Variants in NDST3 observed in about 807,000 individuals in gnomAD.
NDST3 encodes bifunctional heparan sulfate N-deacetylase/N-sulfotransferase 3.
NDST3 carries 58 observed loss-of-function variants against 96.1 expected under a neutral mutation model. The observed-to-expected ratio is 0.60, with a 90% CI of 0.49 to 0.75. The LOEUF is 0.75. Among genes scored for constraint, NDST3 ranks in the 30% least tolerant of loss-of-function variants. NDST3 has a pLI of 0.00. For missense variants in NDST3, 788 were observed against 1,034.2 expected (o/e 0.76, Z 3.27); for synonymous variants, 333 against 359.7 (o/e 0.93, Z 0.84).
chr4:118,220,156 C>T (rs1240775093), intron 6 of NDST3, among the ~76,000 whole-genome samples: 1 of 151,992 alleles, frequency 6.6e-6, no homozygotes, highest in Admixed American at 6.6e-5. Flanking sequence ...CAAATGAACA[C>T]GTATGTTTAC....
At chr4:118,187,331 T>C (rs957855288) in intron 6 of NDST3, among the ~76,000 whole-genome samples, 1 of 152,214 alleles carries the variant, frequency 6.6e-6, no homozygotes, top group African/African-American at 2.4e-5. Context: ...GAGCCTATCA[T>C]GAGGGATAAA....
chr4:118,223,719 T>C (rs892188836), intron 6 of NDST3, among the ~76,000 whole-genome samples: 7 of 152,108 alleles, frequency 4.6e-5, no homozygotes, highest in African/African-American at 1.7e-4. Context: ...ATTAAATTCA[T>C]TATTATGATT....
chr4:118,226,867 A>G lies in NDST3; in HGVS notation c.1723-19A>G, dbSNP rs779035948. On this transcript the variant is annotated intron_variant, in intron 7 of 13. Coordinates refer to ENST00000296499, the MANE Select transcript of NDST3 (RefSeq NM_004784.3). ...CATTCATGAAAAAAAATACATCTCT[A>G]TGTTCTTCTCCCATTTAGAATCCTT... 3 of 1,570,326 alleles carry G rather than the reference A, an allele frequency of 1.9e-6. No individual in the cohort carries two copies. Among genetic ancestry groups the G allele is most frequent in the Admixed American group, 3.5e-5 (2 of 57,262 alleles).
intron 6 of NDST3, among the ~76,000 whole-genome samples, chr4:118,155,740 A>T (rs1435061801): frequency 6.6e-6 from 1 of 152,140 alleles, no homozygotes; most frequent in East Asian, 1.9e-4. Flanking sequence ...GTTTCCAAGA[A>T]CCTACCAATA....
At chr4:118,214,397 T>A (rs995509622) in intron 6 of NDST3, among the ~76,000 whole-genome samples, 6 of 152,182 alleles carry the variant, frequency 3.9e-5, no homozygotes, top group Admixed American at 6.6e-5. Context: ...AGACTTCATA[T>A]TTAAAAATGA....
At chr4:118,058,430 C>CA (rs35067389) in intron 2 of NDST3, among the ~76,000 whole-genome samples, 3,849 of 118,118 alleles carry the variant, frequency 0.033, 156 homozygotes, top group African/African-American at 0.09. Context: ...CACAAAAAGA[C>CA]AAAAAAAAAA....
At chr4:118,225,222 C>T (rs973357830) in intron 7 of NDST3, among the ~76,000 whole-genome samples, 40 of 152,242 alleles carry the variant, frequency 2.6e-4, no homozygotes, top group African/African-American at 9.6e-4. Flanking sequence ...AAGATAAATA[C>T]CACATGAATA....
chr4:118,162,199 C>T (rs984483448), intron 6 of NDST3, among the ~76,000 whole-genome samples: 12 of 152,196 alleles, frequency 7.9e-5, no homozygotes, highest in African/African-American at 2.9e-4. Context: ...AGATTCAATG[C>T]CATCCCCATC....
At chr4:118,230,073 C>G (rs1020332029) in intron 8 of NDST3, among the ~76,000 whole-genome samples, 3 of 152,168 alleles carry the variant, frequency 2.0e-5, no homozygotes, top group African/African-American at 7.2e-5. Flanking sequence ...TGTTCAAATT[C>G]ACACAGCTGG....
rs1027193124 is a variant in NDST3 at position 118,220,461 on chromosome 4, G to A, written c.1540-4030G>A. Reference sequence around the variant, plus strand: ...ACTGAGGCCAGTTAGGGGATGGGGGGCTAGGGGAGGGAAAGCATTAGGGCA... The same window carrying A: ...ACTGAGGCCAGTTAGGGGATGGGGGACTAGGGGAGGGAAAGCATTAGGGCA... On this transcript the variant is annotated intron_variant, in intron 6 of 13. Transcript: ENST00000296499. 9.2e-5 allele frequency among the ~76,000 whole-genome samples: 14 copies of A among 151,932 alleles called. 1 individual carries two copies. Among genetic ancestry groups the A allele is most frequent in the South Asian group, 6.2e-4 (3 of 4,822 alleles).
At chr4:118,060,443 C>T (rs1288163554) in intron 2 of NDST3, among the ~76,000 whole-genome samples, 1 of 151,982 alleles carries the variant, frequency 6.6e-6, no homozygotes, top group Non-Finnish European at 1.5e-5. Flanking sequence ...TCTCTCCTGT[C>T]TTTGCACTGT....
chr4:118,174,658 T>C (rs1736161816), intron 6 of NDST3, among the ~76,000 whole-genome samples: 1 of 152,084 alleles, frequency 6.6e-6, no homozygotes, highest in Admixed American at 6.6e-5. Context: ...GTCTAAGTGC[T>C]CCCAACCACC....
At chr4:118,153,421 G>C (rs1046781422) in intron 6 of NDST3, among the ~76,000 whole-genome samples, 1 of 152,102 alleles carries the variant, frequency 6.6e-6, no homozygotes, top group African/African-American at 2.4e-5. Flanking sequence ...AGGGAGCAGC[G>C]GAGTGGCCAG....
At position 118,255,658 on chromosome 4, in the gene NDST3, A is replaced by T. The variant is rs1190974391; in HGVS notation, c.2568A>T (p.Lys856Asn). Residue 856 changes from lysine (K) to asparagine (N), a missense_variant, in exon 14 of 14, where the codon AAA becomes AAT. Around this residue, in one of 3 missense-constraint regions of NDST3, gnomAD observed 64 missense variants for 68.5 expected, o/e 0.93. Coordinates refer to ENST00000296499, the MANE Select transcript of NDST3 (RefSeq NM_004784.3). ...HNVELSKLLH[K>N]LGQPLPSWLR... ...TGGAACTCTCAAAGCTGCTGCACAAACTGGGTCAGCCTCTGCCATCCTGGC... is the reference window on the plus strand; with the variant it reads ...TGGAACTCTCAAAGCTGCTGCACAATCTGGGTCAGCCTCTGCCATCCTGGC... 1 of 1,613,724 alleles carries T rather than the reference A, an allele frequency of 6.2e-7. No homozygotes were observed. Among genetic ancestry groups the T allele is most frequent in the East Asian group, 2.2e-5 (1 of 44,876 alleles).
At chr4:118,151,375 CTT>C (rs1734385916) in intron 6 of NDST3, among the ~76,000 whole-genome samples, 1 of 151,728 alleles carries the variant, frequency 6.6e-6, no homozygotes, top group African/African-American at 2.4e-5. Flanking sequence ...TACCCTAAAA[CTT>C]AAAGTATAAT....
intron 6 of NDST3, chr4:118,193,342 T>C (rs1737437208): frequency 2.3e-6 from 1 of 438,830 alleles, no homozygotes; most frequent in African/African-American, 2.0e-5. Flanking sequence ...TTTACAAAAC[T>C]AACAGGGCAG....
chr4:118,163,519 CA>C (rs1181582177), intron 6 of NDST3, among the ~76,000 whole-genome samples: 2 of 151,844 alleles, frequency 1.3e-5, no homozygotes, highest in African/African-American at 4.8e-5. Flanking sequence ...CCAAACACCG[CA>C]TATTCTCACT....
chr4:118,147,324 T>C (rs1734020466), intron 6 of NDST3, among the ~76,000 whole-genome samples: 1 of 152,172 alleles, frequency 6.6e-6, no homozygotes, highest in Non-Finnish European at 1.5e-5. Context: ...TACCTCATGA[T>C]ATACCATGGG....
intron 3 of NDST3, among the ~76,000 whole-genome samples, chr4:118,108,344 ATG>A (rs1019997213): frequency 6.6e-6 from 1 of 152,234 alleles, no homozygotes; most frequent in African/African-American, 2.4e-5. Flanking sequence ...TATAACATAT[ATG>A]TGTGTTAGAT....
Sources: allele counts gnomAD v4.1 joint callset (sites outside exome capture counted in the v4.1 genomes callset), GRCh38; gene constraint gnomAD v4.1.1; regional missense constraint gnomAD v4.1.1; transcripts MANE v1.5; gene names NCBI Gene and HGNC (gene_info 2026-07-23, HGNC 2026-07-21).